The following DNAJC27 variants were observed in gnomAD, a reference collection of about 807,000 sequenced individuals.
The protein encoded by DNAJC27 is DnaJ heat shock protein family (Hsp40) member C27.
Under a neutral mutation model 31.4 loss-of-function variants are expected in DNAJC27, and 25 were observed. The observed-to-expected ratio is 0.80, with a 90% CI of 0.58 to 1.11. DNAJC27 has a LOEUF of 1.11. Ranked by LOEUF, DNAJC27 falls within the 50% of genes most tolerant of loss-of-function variation. DNAJC27 has a pLI of 0.00. For missense variants in DNAJC27, 356 were observed against 347.3 expected, an observed-to-expected ratio of 1.02 and a Z score of -0.20; for synonymous variants, 106 against 112.7, an observed-to-expected ratio of 0.94 and a Z score of 0.37.
chr2:24,961,292 G>A (rs2149127532), intron 3 of DNAJC27, among the ~76,000 whole-genome samples: 1 of 152,166 alleles, frequency 6.6e-6, no homozygotes, highest in Admixed American at 6.6e-5. Flanking sequence ...CTACTACTCA[G>A]AAAAAAGGAT....
intron 3 of DNAJC27, among the ~76,000 whole-genome samples, chr2:24,961,922 G>A (rs1666051771): frequency 6.6e-6 from 1 of 152,212 alleles, no homozygotes; most frequent in African/African-American, 2.4e-5. Flanking sequence ...CAGCAGCAGA[G>A]TTTAACTGAA....
In DNAJC27 at chr2:24,968,250, T is replaced by C. The variant is rs181605283; in HGVS notation, c.88-957A>G. On this transcript the variant is annotated intron_variant, in intron 1 of 6. Transcript: ENST00000264711. ...TATGGTTACACAATAGTCTGTGATATGCAAATATTCCCTCCATTTCATTGC... is the reference window on the plus strand; with the variant it reads ...TATGGTTACACAATAGTCTGTGATACGCAAATATTCCCTCCATTTCATTGC... 4.9e-3 allele frequency among the ~76,000 whole-genome samples: 740 copies of C among 152,322 alleles called. 5 individuals are homozygous for C. Among genetic ancestry groups the C allele is most frequent in the Admixed American group, 7.9e-3 (121 of 15,302 alleles).
chr2:24,963,302 AT>A, intron 3 of DNAJC27, 102 bp downstream of exon 3: 1 of 893,898 alleles, frequency 1.1e-6, no homozygotes. Flanking sequence ...AAATTATGCA[AT>A]TTTACACATG....
intron 3 of DNAJC27, among the ~76,000 whole-genome samples, chr2:24,961,803 C>A (rs1666048609): frequency 6.6e-6 from 1 of 152,100 alleles, no homozygotes; most frequent in Non-Finnish European, 1.5e-5. Context: ...TATCAATGAG[C>A]AAAGAAAGTG....
intron 5 of DNAJC27, among the ~76,000 whole-genome samples, chr2:24,953,062 AT>A (rs933437897): frequency 2.0e-5 from 3 of 150,160 alleles, no homozygotes; most frequent in African/African-American, 2.4e-5. Flanking sequence ...CACTTTTCTG[AT>A]TTTTTTTTAG....
Position 24,945,438 on chromosome 2 carries a change from A to G in DNAJC27, c.*2178T>C, listed in dbSNP as rs1034686042. ...TGCAATACGGCTGAATGAGGTTCCC[A>G]ATCTAGTATTTAATAACAGTGATGA... On this transcript the variant is annotated 3_prime_UTR_variant, in exon 7 of 7. Coordinates refer to ENST00000264711, the MANE Select transcript of DNAJC27 (RefSeq NM_016544.3). The G allele has an allele frequency of 2.0e-5, 3 of 152,162 alleles. No homozygotes were observed. Among genetic ancestry groups the G allele is most frequent in the Non-Finnish European group, 4.4e-5 (3 of 68,032 alleles). The allele number at this position is 152,162 out of a possible 1,614,324, so 9.4% of individuals were successfully genotyped here.
chr2:24,955,380 G>T (rs1410348877), intron 5 of DNAJC27, among the ~76,000 whole-genome samples: 1 of 152,000 alleles, frequency 6.6e-6, no homozygotes, highest in African/African-American at 2.4e-5. Flanking sequence ...TAAAAAAATG[G>T]AAGAAAAATA....
intron 1 of DNAJC27, among the ~76,000 whole-genome samples, chr2:24,971,063 T>C (rs1179232271): frequency 6.6e-6 from 1 of 152,148 alleles, no homozygotes; most frequent in Non-Finnish European, 1.5e-5. Context: ...GGGAAGTTCT[T>C]AACCAACAGA....
At chr2:24,971,687 G>T in intron 1 of DNAJC27, 131 bp downstream of exon 1, 4 of 714,080 alleles carry the variant, frequency 5.6e-6, no homozygotes, top group Non-Finnish European at 8.7e-6. Flanking sequence ...CGCACCCCTC[G>T]GCTGAGACCC....
rs143727987 is a variant in DNAJC27 at position 24,953,907 on chromosome 2, T to C, written c.529-2353A>G. ...GTAATGAATACTGGACTAGACTTCC[T>C]GCCATCAACTACTATCGAACTGGAA... On this transcript the variant is annotated intron_variant, in intron 5 of 6. Coordinates refer to ENST00000264711, the MANE Select transcript of DNAJC27 (RefSeq NM_016544.3). 2.2e-3 allele frequency among the ~76,000 whole-genome samples: 328 copies of C among 152,312 alleles called. 2 individuals are homozygous for C. The highest frequency in any genetic ancestry group is 7.7e-3 in the African/African-American group (318 of 41,566).
intron 1 of DNAJC27, chr2:24,968,974 G>A (rs116789887): frequency 0.069 from 11,083 of 160,710 alleles, 509 homozygotes; most frequent in Middle Eastern, 0.097. Flanking sequence ...CCAACTGGGA[G>A]GGAGGATTTG....
At chr2:24,956,786 T>C (rs1177537536) in intron 5 of DNAJC27, among the ~76,000 whole-genome samples, 1 of 152,192 alleles carries the variant, frequency 6.6e-6, no homozygotes, top group African/African-American at 2.4e-5. Flanking sequence ...CCTAGAAGTA[T>C]GTATTTTAAG....
intron 1 of DNAJC27, 82 bp downstream of exon 1, chr2:24,971,736 C>G (rs1666345540): frequency 7.9e-7 from 1 of 1,271,872 alleles, no homozygotes. Flanking sequence ...GGGCCCCAGG[C>G]TGTTGAGTGG....
chr2:24,952,518 T>C (rs1429109532), intron 5 of DNAJC27, among the ~76,000 whole-genome samples: 1 of 152,230 alleles, frequency 6.6e-6, no homozygotes, highest in Non-Finnish European at 1.5e-5. Context: ...GTCAGTTGTT[T>C]CTAGTTTTTT....
In DNAJC27 at chr2:24,951,397, G is replaced by A. The variant is rs373476031; in HGVS notation, c.686C>T (p.Ser229Leu). ...CTAAGTATCCCAGAGCGCTTACCTT[G>A]AGGCCCCAGGTTTGACTCCCAGCAT... ...WDMLGVKPGA[S>L]RDEVNKAYRK... The change falls in exon 6 of 7, where the codon TCA (serine) becomes TTA (leucine). Residue 229 changes from serine (S) to leucine (L), a missense_variant. Ser to Leu is a moderately radical substitution (Grantham distance 145). Transcript: ENST00000264711. 1 of 1,610,732 alleles carries A rather than the reference G, an allele frequency of 6.2e-7. No homozygotes were observed. The highest frequency in any genetic ancestry group is 1.3e-5 in the African/African-American group (1 of 74,824).
At chr2:24,965,796 T>C (rs1310081674) in intron 2 of DNAJC27, among the ~76,000 whole-genome samples, 1 of 152,214 alleles carries the variant, frequency 6.6e-6, no homozygotes, top group Non-Finnish European at 1.5e-5. Context: ...TTCTGCTAGC[T>C]ATATGTCAAA....
Position 24,957,791 on chromosome 2 carries a change from C to T in DNAJC27, c.405+19G>A. ...CTCTTTCCCTAGAAATCTGAACACA[C>T]CATTTCCAGAGGGGTTACCTTGTTG... is the stretch of plus-strand genomic sequence containing the variant. On this transcript the variant is annotated intron_variant, in intron 4 of 6. Transcript: ENST00000264711. 6.2e-7 allele frequency: 1 copy of T among 1,610,012 alleles called. No individual in the cohort carries two copies.
chr2:24,963,314 A>G, intron 3 of DNAJC27, 91 bp downstream of exon 3: 3 of 985,024 alleles, frequency 3.0e-6, no homozygotes, highest in Non-Finnish European at 4.6e-6. Flanking sequence ...TTTACACATG[A>G]TATCAATATT....
chr2:24,956,613 C>A (rs1327482958), intron 5 of DNAJC27, among the ~76,000 whole-genome samples: 1 of 152,148 alleles, frequency 6.6e-6, no homozygotes, highest in African/African-American at 2.4e-5. Context: ...AAATGTAATA[C>A]CATTAGCCAA....
Sources: gnomAD v4.1 joint callset for allele counts (sites outside exome capture counted in the v4.1 genomes callset) on GRCh38, gnomAD v4.1.1 for gene constraint, MANE v1.5 for transcripts, NCBI Gene and HGNC (gene_info 2026-07-23, HGNC 2026-07-21) for gene names.